Variants in NCOA2 observed in about 807,000 individuals in gnomAD.
NCOA2 encodes the protein class E basic helix-loop-helix protein 75.
In NCOA2, 21 loss-of-function variants were observed where a neutral mutation model predicts 145.1. The ratio of observed to expected loss-of-function variants is 0.14; its 90% CI spans 0.10 to 0.21. NCOA2 has a LOEUF of 0.21. Ranked by LOEUF, NCOA2 falls within the 10% of genes least tolerant of loss-of-function variation. The pLI, the probability that NCOA2 is intolerant of heterozygous loss-of-function variation, is 1.00. For synonymous variants in NCOA2, 619 were observed against 637.5 expected (o/e 0.97, Z 0.44); for missense variants, 1,472 against 1,837.6 (o/e 0.80, Z 3.64).
At chr8:70,339,832 A>G (rs192525549) in intron 1 of NCOA2, among the ~76,000 whole-genome samples, 2 of 152,346 alleles carry the variant, frequency 1.3e-5, no homozygotes, top group East Asian at 3.9e-4. Context: ...AAAAACATGC[A>G]ATGGGGAAAA....
chr8:70,281,355 CAAAAAAAAAAA>C (rs372574771), intron 2 of NCOA2, among the ~76,000 whole-genome samples: 272 of 61,030 alleles, frequency 4.5e-3, no homozygotes, highest in African/African-American at 0.014. Context: ...GACCCTGTCT[CAAAAAAAAAAA>C]AAAAAAAAAA....
rs1808242388 is a variant in NCOA2, at chr8:70,124,879, A to C, written c.3917-14T>G. On this transcript the variant is annotated splice_polypyrimidine_tract_variant and intron_variant, in intron 19 of 22. Coordinates refer to ENST00000452400, the MANE Select transcript of NCOA2 (RefSeq NM_006540.4). ...GCTGACTTATTCCTTAAAAAAAAAA[A>C]CAGAAACAGAAATCCAAAAGAGACT... 6.4e-7 allele frequency: 1 copy of C among 1,558,772 alleles called. No homozygotes were observed. The highest frequency in any genetic ancestry group is 8.6e-7 in the Non-Finnish European group (1 of 1,157,242).
At chr8:70,421,951 C>T in the NCOA2 span, among the ~76,000 whole-genome samples, 5 of 151,852 alleles carry the variant, frequency 3.3e-5, no homozygotes, top group Non-Finnish European at 7.4e-5. Flanking sequence ...AAAAATTAGT[C>T]AGGTGTGGTG....
intron 1 of NCOA2, among the ~76,000 whole-genome samples, chr8:70,299,476 T>C (rs192520649): frequency 1.5e-3 from 229 of 152,292 alleles, no homozygotes; most frequent in African/African-American, 5.1e-3. Context: ...TAAAGATCTC[T>C]TACAACTTAA....
chr8:70,356,961 G>C (rs888864738), intron 1 of NCOA2, among the ~76,000 whole-genome samples: 3 of 152,166 alleles, frequency 2.0e-5, no homozygotes, highest in Non-Finnish European at 4.4e-5. Context: ...TTTCCTGTTA[G>C]AGTTATTATA....
intron 4 of NCOA2, among the ~76,000 whole-genome samples, chr8:70,199,802 T>A (rs1660722172): frequency 6.6e-6 from 1 of 152,186 alleles, no homozygotes; most frequent in Admixed American, 6.5e-5. Context: ...GCTAATTACA[T>A]CCATTGACAG....
chr8:70,205,058 G>A (rs1818294933), intron 4 of NCOA2, among the ~76,000 whole-genome samples: 1 of 152,152 alleles, frequency 6.6e-6, no homozygotes, highest in Non-Finnish European at 1.5e-5. Flanking sequence ...TACAACCTCT[G>A]CCATCAAGAA....
At chr8:70,411,022 T>C in the NCOA2 span, among the ~76,000 whole-genome samples, 1 of 152,160 alleles carries the variant, frequency 6.6e-6, no homozygotes, top group Non-Finnish European at 1.5e-5. Flanking sequence ...ATGTATTGAG[T>C]TGTACCCTTA....
chr8:70,229,552 T>G (rs1220949803), intron 2 of NCOA2, among the ~76,000 whole-genome samples: 1 of 152,132 alleles, frequency 6.6e-6, no homozygotes, highest in Non-Finnish European at 1.5e-5. Context: ...CTAGAGTTGT[T>G]GTGGGGAGCC....
intron 15 of NCOA2, among the ~76,000 whole-genome samples, chr8:70,133,331 C>A (rs1333145813): frequency 2.0e-5 from 3 of 151,724 alleles, no homozygotes; most frequent in African/African-American, 7.3e-5. Context: ...AATCCTTCTA[C>A]CTCAGCCTCC....
At chr8:70,149,410 T>A (rs1292452053) in intron 11 of NCOA2, among the ~76,000 whole-genome samples, 2 of 150,362 alleles carry the variant, frequency 1.3e-5, no homozygotes, top group African/African-American at 4.9e-5. Flanking sequence ...CTGGCTAATT[T>A]TTTGATTTTT....
chr8:70,201,061 A>AAG (rs1817837907), intron 4 of NCOA2, among the ~76,000 whole-genome samples: 1 of 151,284 alleles, frequency 6.6e-6, no homozygotes, highest in Non-Finnish European at 1.5e-5. Flanking sequence ...AAAAAAAAAA[A>AAG]AAAAAAAAAA....
chr8:70,335,630 C>G (rs1189452719), intron 1 of NCOA2, among the ~76,000 whole-genome samples: 1 of 152,238 alleles, frequency 6.6e-6, no homozygotes, highest in Non-Finnish European at 1.5e-5. Flanking sequence ...CTGGCAACCA[C>G]TCTTCTATCT....
chr8:70,155,580 A>G (rs1812184777), intron 11 of NCOA2, among the ~76,000 whole-genome samples: 1 of 152,236 alleles, frequency 6.6e-6, no homozygotes, highest in South Asian at 2.1e-4. Context: ...GTGACACATG[A>G]TAATTCCATG....
chr8:70,114,214 T>TG (rs1806832547), intron 22 of NCOA2, among the ~76,000 whole-genome samples: 1 of 152,210 alleles, frequency 6.6e-6, no homozygotes, highest in African/African-American at 2.4e-5. Context: ...TTAGTAGAGA[T>TG]GGGGTTTCAC....
intron 2 of NCOA2, among the ~76,000 whole-genome samples, chr8:70,219,326 T>C (rs1435005467): frequency 6.6e-6 from 1 of 152,222 alleles, no homozygotes; most frequent in Non-Finnish European, 1.5e-5. Flanking sequence ...TATGTAGTGG[T>C]ATCTTAAACA....
At chr8:70,362,556 G>T (rs1437307034) in intron 1 of NCOA2, among the ~76,000 whole-genome samples, 1 of 152,134 alleles carries the variant, frequency 6.6e-6, no homozygotes, top group Non-Finnish European at 1.5e-5. Context: ...ACAAAAGCAT[G>T]CTGAATATCA....
At chr8:70,440,307 T>C in the NCOA2 span, among the ~76,000 whole-genome samples, 4 of 150,420 alleles carry the variant, frequency 2.7e-5, no homozygotes, top group Admixed American at 2.0e-4. Flanking sequence ...AAGAAACAAA[T>C]GAGTAATCTC....
intron 1 of NCOA2, among the ~76,000 whole-genome samples, chr8:70,332,161 T>C (rs753566638): frequency 2.6e-4 from 40 of 152,280 alleles, no homozygotes; most frequent in Middle Eastern, 3.4e-3. Context: ...CACCATTGCT[T>C]GTAGCTAAAA....
Sources: gnomAD v4.1 joint callset for allele counts (sites outside exome capture counted in the v4.1 genomes callset) on GRCh38, gnomAD v4.1.1 for gene constraint, MANE v1.5 for transcripts, NCBI Gene and HGNC (gene_info 2026-07-23, HGNC 2026-07-21) for gene names.